The following GRIN2B variants were observed in gnomAD, a reference collection of about 807,000 sequenced individuals.
The protein encoded by GRIN2B is glutamate ionotropic receptor NMDA type subunit 2B.
In GRIN2B, 5 loss-of-function variants were observed where a neutral mutation model predicts 114.5. That is an observed-to-expected ratio of 0.04 (90% confidence interval 0.02 to 0.09). The LOEUF (loss-of-function observed/expected upper bound fraction) is 0.09, where lower values mean the gene tolerates loss of function less well. Among genes scored for constraint, GRIN2B ranks in the 10% least tolerant of loss-of-function variants. The probability of loss-of-function intolerance (pLI) is 1.00; values close to 1 mark genes in which losing one functional copy is unlikely to be tolerated. For missense variants in GRIN2B, 1,108 were observed against 1,943.5 expected, an observed-to-expected ratio of 0.57 and a Z score of 8.08; for synonymous variants, 787 against 745.1, an observed-to-expected ratio of 1.06 and a Z score of -0.92.
intron 3 of GRIN2B, among the ~76,000 whole-genome samples, chr12:13,827,880 C>T (rs1053463696): frequency 9.2e-5 from 14 of 152,198 alleles, no homozygotes; most frequent in Admixed American, 1.3e-4. Flanking sequence ...CAAGGTTTCC[C>T]TATATTGGCC....
intron 3 of GRIN2B, among the ~76,000 whole-genome samples, chr12:13,765,394 T>A (rs1366261503): frequency 1.3e-5 from 2 of 152,232 alleles, no homozygotes; most frequent in Non-Finnish European, 2.9e-5. Context: ...AACCTGACTT[T>A]CAGAAATTCA....
intron 4 of GRIN2B, among the ~76,000 whole-genome samples, chr12:13,732,353 T>G (rs1863099272): frequency 6.6e-6 from 1 of 152,210 alleles, no homozygotes; most frequent in Non-Finnish European, 1.5e-5. Context: ...TCAGGTCAAG[T>G]TGATTCCAAT....
intron 2 of GRIN2B, among the ~76,000 whole-genome samples, chr12:13,929,141 T>A (rs1298849162): frequency 6.6e-6 from 1 of 152,194 alleles, no homozygotes; most frequent in Non-Finnish European, 1.5e-5. Flanking sequence ...GATACTTAAA[T>A]AACCTGAAGA....
intron 5 of GRIN2B, among the ~76,000 whole-genome samples, chr12:13,628,635 T>G (rs979618096): frequency 6.6e-6 from 1 of 152,212 alleles, no homozygotes; most frequent in Non-Finnish European, 1.5e-5. Flanking sequence ...AGCTAGAACA[T>G]GTAGCTGGAC....
chr12:13,807,950 T>C (rs1262540883), intron 3 of GRIN2B, among the ~76,000 whole-genome samples: 3 of 152,112 alleles, frequency 2.0e-5, no homozygotes, highest in Non-Finnish European at 4.4e-5. Context: ...GTTATGCTTT[T>C]AGTAATGGAA....
At chr12:13,888,481 C>T (rs953095444) in intron 2 of GRIN2B, among the ~76,000 whole-genome samples, 8 of 150,840 alleles carry the variant, frequency 5.3e-5, no homozygotes, top group African/African-American at 2.0e-4. Flanking sequence ...CAACTGTAAT[C>T]CCAGCACTTT....
intron 2 of GRIN2B, among the ~76,000 whole-genome samples, chr12:13,871,838 A>G (rs1865914379): frequency 6.6e-6 from 1 of 152,040 alleles, no homozygotes; most frequent in South Asian, 2.1e-4. Context: ...GTAATATATA[A>G]TAAAAATGGC....
intron 2 of GRIN2B, among the ~76,000 whole-genome samples, chr12:13,919,871 A>C (rs2136810453): frequency 6.6e-6 from 1 of 152,316 alleles, no homozygotes; most frequent in East Asian, 1.9e-4. Context: ...ATCACCTTGA[A>C]AATGAGAGCA....
At position 13,753,217 on chromosome 12, in the gene GRIN2B, G is replaced by A. The variant is rs536105291; in HGVS notation, c.1010+100C>T. The A allele has an allele frequency of 7.2e-5, 59 of 820,498 alleles. No homozygotes were observed. The highest frequency in any genetic ancestry group is 1.2e-4 in the South Asian group (9 of 74,648). 50.8% of individuals were successfully genotyped at this position (820,498 alleles called of 1,614,324 possible). A position where few individuals can be genotyped will look rare whatever the true frequency, so the allele number is the denominator to read the frequency against. ...CAAGGCCAGGCTTCAACCTGCTACC[G>A]TCTTGAACTGTTCTTCCTGCAGTTT... On this transcript the variant is annotated intron_variant, in intron 4 of 13. Coordinates refer to ENST00000609686, the MANE Select transcript of GRIN2B (RefSeq NM_000834.5). This position sits in a 1 kb window ranked among gnomAD's most constrained non-coding sequence, Gnocchi z 6.2.
At chr12:13,585,326 C>T (rs1243235079) in intron 10 of GRIN2B, among the ~76,000 whole-genome samples, 3 of 152,176 alleles carry the variant, frequency 2.0e-5, no homozygotes, top group Non-Finnish European at 4.4e-5. Context: ...GGCAGGGGGA[C>T]AGGTGTGTCT....
chr12:13,782,341 C>A (rs1468203946), intron 3 of GRIN2B, among the ~76,000 whole-genome samples: 1 of 151,804 alleles, frequency 6.6e-6, no homozygotes, highest in African/African-American at 2.4e-5. Flanking sequence ...ATATATATAT[C>A]TCTCTTCTGC....
At chr12:13,723,193 G>T (rs890768183) in intron 4 of GRIN2B, among the ~76,000 whole-genome samples, 1 of 151,778 alleles carries the variant, frequency 6.6e-6, no homozygotes, top group African/African-American at 2.4e-5. Context: ...AGAATGTGCA[G>T]GTTTGTTACA....
chr12:13,794,507 T>TC (rs759514929), intron 3 of GRIN2B, among the ~76,000 whole-genome samples: 7 of 150,358 alleles, frequency 4.7e-5, no homozygotes, highest in East Asian at 3.9e-4. Context: ...CCCACTAACC[T>TC]CCCCCCCGGA....
chr12:13,850,194 C>T (rs923920049), intron 3 of GRIN2B, among the ~76,000 whole-genome samples: 1 of 152,170 alleles, frequency 6.6e-6, no homozygotes, highest in African/African-American at 2.4e-5. Context: ...TGCTCTAAGA[C>T]CTATCGCCAT....
chr12:13,691,289 G>C (rs1950213448), intron 4 of GRIN2B, among the ~76,000 whole-genome samples: 1 of 152,144 alleles, frequency 6.6e-6, no homozygotes. Flanking sequence ...AATGCCTGAA[G>C]TGAATATTTC....
intron 5 of GRIN2B, among the ~76,000 whole-genome samples, chr12:13,648,656 G>T (rs1949786329): frequency 6.6e-6 from 1 of 151,876 alleles, no homozygotes; most frequent in Non-Finnish European, 1.5e-5. Flanking sequence ...AAAGGACCAT[G>T]AGTTCAATGA....
intron 10 of GRIN2B, 43 bp from the exon 11 acceptor site, chr12:13,572,007 GGA>G (rs370168771): frequency 4.3e-4 from 634 of 1,458,846 alleles, no homozygotes; most frequent in Middle Eastern, 1.0e-3. Flanking sequence ...GGAGATGGAG[GGA>G]GAGAGAGAGA....
intron 3 of GRIN2B, among the ~76,000 whole-genome samples, chr12:13,755,148 C>T (rs778250067): frequency 8.5e-5 from 13 of 152,162 alleles, no homozygotes; most frequent in Non-Finnish European, 1.6e-4. Flanking sequence ...TTCTTATCCT[C>T]CAATGAGAGC....
intron 3 of GRIN2B, among the ~76,000 whole-genome samples, chr12:13,840,469 G>C (rs1865359102): frequency 1.3e-5 from 2 of 152,030 alleles, no homozygotes; most frequent in African/African-American, 4.8e-5. Context: ...CTTACCTGCT[G>C]GACAACTTTG....
Sources: gnomAD v4.1 joint callset for allele counts (sites outside exome capture counted in the v4.1 genomes callset) on GRCh38, gnomAD v4.1.1 for gene constraint, Gnocchi (gnomAD v3.1) non-coding constraint, MANE v1.5 for transcripts, NCBI Gene and HGNC (gene_info 2026-07-23, HGNC 2026-07-21) for gene names.